Variants in NBAS observed in about 807,000 individuals in gnomAD.
The protein encoded by NBAS is NAG/BC035112 fusion.
Under a neutral mutation model 302.5 loss-of-function variants are expected in NBAS, and 219 were observed. The ratio of observed to expected loss-of-function variants is 0.72; its 90% CI spans 0.65 to 0.81. The LOEUF is 0.81. NBAS is among the 30% of genes least tolerant of loss of function. The pLI, the probability that NBAS is intolerant of heterozygous loss-of-function variation, is 0.00. For synonymous variants in NBAS, 1,118 were observed against 1,021.6 expected, an observed-to-expected ratio of 1.09 and a Z score of -1.80; for missense variants, 2,932 against 2,841.6, an observed-to-expected ratio of 1.03 and a Z score of -0.72.
chr2:15,327,131 T>C, intron 38 of NBAS, among the ~76,000 whole-genome samples: 1 of 152,148 alleles, frequency 6.6e-6, no homozygotes, highest in East Asian at 1.9e-4. Context: ...TTCACCCTTT[T>C]CTTCCTCGCT....
chr2:15,034,236 GAAAGAAA>G, the NBAS span, among the ~76,000 whole-genome samples: 1 of 41,126 alleles, frequency 2.4e-5, no homozygotes, highest in Non-Finnish European at 4.9e-5. Flanking sequence ...AAGAAAGAAG[GAAAGAAA>G]GAAAGAAAGA....
At chr2:15,145,561 G>C in the NBAS span, among the ~76,000 whole-genome samples, 15 of 152,050 alleles carry the variant, frequency 9.9e-5, no homozygotes, top group Non-Finnish European at 2.1e-4. Context: ...ACTGGCTGCT[G>C]GTCCTAGAGG....
At chr2:14,982,720 G>A in the NBAS span, among the ~76,000 whole-genome samples, 1 of 152,068 alleles carries the variant, frequency 6.6e-6, no homozygotes, top group Non-Finnish European at 1.5e-5. Flanking sequence ...AACAAGGCAA[G>A]TATTTGCCCC....
chr2:15,464,676 C>G (rs1182927197), intron 19 of NBAS, among the ~76,000 whole-genome samples: 1 of 152,156 alleles, frequency 6.6e-6, no homozygotes, highest in Admixed American at 6.5e-5. Flanking sequence ...AAGGGCTACC[C>G]CCAGCCACAG....
chr2:14,867,227 T>C, the NBAS span, among the ~76,000 whole-genome samples: 1 of 152,336 alleles, frequency 6.6e-6, no homozygotes, highest in South Asian at 2.1e-4. Context: ...AAAATCTGCA[T>C]TGAGCCATAG....
chr2:15,301,919 A>T (rs1397636576), intron 40 of NBAS, among the ~76,000 whole-genome samples: 2 of 152,208 alleles, frequency 1.3e-5, no homozygotes, highest in African/African-American at 4.8e-5. Flanking sequence ...TGTGCAGAGC[A>T]TGCTGGGGCA....
chr2:14,971,048 C>T, the NBAS span, among the ~76,000 whole-genome samples: 1 of 152,272 alleles, frequency 6.6e-6, no homozygotes, highest in African/African-American at 2.4e-5. Flanking sequence ...CTCTTCATTG[C>T]CAACAATGGC....
At chr2:15,134,736 T>A in the NBAS span, among the ~76,000 whole-genome samples, 1 of 152,234 alleles carries the variant, frequency 6.6e-6, no homozygotes. Context: ...TTAAATCATT[T>A]GCTTCCTTAT....
intron 23 of NBAS, among the ~76,000 whole-genome samples, chr2:15,419,370 C>T (rs1677101334): frequency 6.6e-6 from 1 of 150,548 alleles, no homozygotes; most frequent in Non-Finnish European, 1.5e-5. Flanking sequence ...TAGAAGAATA[C>T]ATTTATTAAA....
rs563888872 is a variant in NBAS, at chr2:15,432,138, T to C, written c.2340-4344A>G. ...TTCCTTCTACAGAACTATAGAAACT[T>C]TGGGTAGGTGTAAAACTTACACCTT... On this transcript the variant is annotated intron_variant, in intron 21 of 51. Transcript: ENST00000281513. Among the ~76,000 whole-genome samples the C allele has an allele frequency of 3.9e-5, 6 of 151,924 alleles. No homozygotes were observed. The East Asian group carries it at 1.2e-3, about 29-fold the overall frequency.
intron 44 of NBAS, among the ~76,000 whole-genome samples, chr2:15,267,381 T>C (rs1669125364): frequency 6.6e-6 from 1 of 152,124 alleles, no homozygotes. Context: ...ATGGGCAAAA[T>C]ACTTATTTTG....
At chr2:14,783,396 T>C in the NBAS span, among the ~76,000 whole-genome samples, 1 of 151,612 alleles carries the variant, frequency 6.6e-6, no homozygotes, top group Non-Finnish European at 1.5e-5. Flanking sequence ...AGTATACATG[T>C]GCCATGCTGG....
the NBAS span, among the ~76,000 whole-genome samples, chr2:14,818,031 G>A: frequency 1.4e-4 from 22 of 151,932 alleles, no homozygotes; most frequent in Non-Finnish European, 2.8e-4. Flanking sequence ...TCCCACCCAC[G>A]AAGTTCACAA....
the NBAS span, among the ~76,000 whole-genome samples, chr2:15,126,309 T>C: frequency 6.6e-6 from 1 of 152,186 alleles, no homozygotes; most frequent in Admixed American, 6.5e-5. Context: ...GTTGTACAGC[T>C]TGCAGAGCTG....
chr2:15,475,215 T>C (rs1680138047), intron 14 of NBAS, among the ~76,000 whole-genome samples: 1 of 152,216 alleles, frequency 6.6e-6, no homozygotes, highest in South Asian at 2.1e-4. Flanking sequence ...CTATTAAAGG[T>C]TGTTACCCTT....
chr2:15,006,171 T>A, the NBAS span, among the ~76,000 whole-genome samples: 55 of 152,330 alleles, frequency 3.6e-4, no homozygotes, highest in Non-Finnish European at 7.1e-4. Flanking sequence ...TATCTAGTGC[T>A]AATGAGCACG....
At chr2:14,904,042 G>A in the NBAS span, among the ~76,000 whole-genome samples, 2 of 152,182 alleles carry the variant, frequency 1.3e-5, no homozygotes, top group Non-Finnish European at 1.5e-5. Context: ...AGAGAAACGG[G>A]GGCATTTCTC....
the NBAS span, among the ~76,000 whole-genome samples, chr2:15,080,570 G>A: frequency 6.6e-6 from 1 of 152,198 alleles, no homozygotes; most frequent in African/African-American, 2.4e-5. Context: ...CACAATTTAT[G>A]GATCAAGAAC....
chr2:15,224,862 C>T (rs564927273), intron 47 of NBAS, among the ~76,000 whole-genome samples: 6 of 152,350 alleles, frequency 3.9e-5, no homozygotes, highest in African/African-American at 1.4e-4. Flanking sequence ...GCACACTTTC[C>T]TCACTACATA....
Sources: gnomAD v4.1 joint callset for allele counts (sites outside exome capture counted in the v4.1 genomes callset) on GRCh38, gnomAD v4.1.1 for gene constraint, MANE v1.5 for transcripts, NCBI Gene and HGNC (gene_info 2026-07-23, HGNC 2026-07-21) for gene names.